NT5DC3: variants seen among roughly 807,000 people sequenced by gnomAD.
NT5DC3 encodes the protein 5'-nucleotidase domain containing 3, also known as 5'-nucleotidase domain-containing protein 3.
Under a neutral mutation model 67.8 loss-of-function variants are expected in NT5DC3, and 42 were observed. That is an observed-to-expected ratio of 0.62 (90% CI 0.48 to 0.80). The LOEUF (loss-of-function observed/expected upper bound fraction) is 0.80. Among genes scored for constraint, NT5DC3 ranks in the 30% least tolerant of loss-of-function variants. The pLI, the probability that NT5DC3 is intolerant of heterozygous loss-of-function variation, is 0.00. For missense variants in NT5DC3, 570 were observed against 696.4 expected (o/e 0.82, Z 2.04); for synonymous variants, 237 against 255.6 (o/e 0.93, Z 0.69).
chr12:103,748,571 T>C, the NT5DC3 span, among the ~76,000 whole-genome samples: 1 of 149,678 alleles, frequency 6.7e-6, no homozygotes, highest in Non-Finnish European at 1.5e-5. Context: ...CTCAATATTG[T>C]ACTAACTCTA....
the NT5DC3 span, chr12:103,750,639 G>C: frequency 6.2e-7 from 1 of 1,614,084 alleles, no homozygotes. Context: ...CTGTGAGCCG[G>C]AGCAGCTGCC....
At chr12:103,809,837 G>A (rs36034617) in intron 2 of NT5DC3, among the ~76,000 whole-genome samples, 1 of 151,942 alleles carries the variant, frequency 6.6e-6, no homozygotes, top group Non-Finnish European at 1.5e-5. Flanking sequence ...CTGGAAAAGC[G>A]CCAACAGGAC....
At chr12:103,762,345 G>C in the NT5DC3 span, 1 of 1,614,170 alleles carries the variant, frequency 6.2e-7, no homozygotes, top group Non-Finnish European at 8.5e-7. Flanking sequence ...CTGTTGCCTT[G>C]GCTGCTTACT....
At chr12:103,783,409 C>T (rs957067393) in intron 12 of NT5DC3, among the ~76,000 whole-genome samples, 8 of 152,152 alleles carry the variant, frequency 5.3e-5, no homozygotes, top group Non-Finnish European at 8.8e-5. Context: ...TATATCTCCT[C>T]TGCGCCTCAG....
At chr12:103,757,109 AAG>A in the NT5DC3 span, among the ~76,000 whole-genome samples, 1 of 150,586 alleles carries the variant, frequency 6.6e-6, no homozygotes, top group Non-Finnish European at 1.5e-5. Flanking sequence ...TTGTTTTCTT[AAG>A]AGAGTCTTGT....
the NT5DC3 span, among the ~76,000 whole-genome samples, chr12:103,765,373 G>A: frequency 6.6e-6 from 1 of 152,144 alleles, no homozygotes; most frequent in African/African-American, 2.4e-5. Flanking sequence ...AGAATCCTAA[G>A]CATAAGGTAC....
intron 1 of NT5DC3, among the ~76,000 whole-genome samples, chr12:103,817,189 C>G (rs1408376565): frequency 6.6e-6 from 1 of 152,044 alleles, no homozygotes; most frequent in Non-Finnish European, 1.5e-5. Context: ...ACGACGAGGC[C>G]TCCATGGCCA....
intron 4 of NT5DC3, among the ~76,000 whole-genome samples, chr12:103,805,370 C>T (rs1389261258): frequency 6.6e-6 from 1 of 152,168 alleles, no homozygotes; most frequent in Non-Finnish European, 1.5e-5. Flanking sequence ...GACTGTGTGA[C>T]TCTATCCATG....
chr12:103,746,766 T>C, the NT5DC3 span: 3 of 1,535,012 alleles, frequency 2.0e-6, no homozygotes, highest in Non-Finnish European at 2.7e-6. Flanking sequence ...CAGGACTTGC[T>C]CACAGTGCCT....
the NT5DC3 span, chr12:103,761,250 G>A: frequency 2.6e-6 from 4 of 1,560,098 alleles, no homozygotes; most frequent in Admixed American, 5.0e-5. Context: ...TCCATGGAGG[G>A]CTGCCCACTC....
intron 4 of NT5DC3, chr12:103,802,200 A>G (rs1020553638): frequency 2.0e-5 from 3 of 152,232 alleles, no homozygotes; most frequent in African/African-American, 7.2e-5. Flanking sequence ...GACAGTGTAT[A>G]TACAAGAAAC....
intron 6 of NT5DC3, among the ~76,000 whole-genome samples, chr12:103,794,410 A>G (rs1485891442): frequency 2.6e-5 from 4 of 152,148 alleles, no homozygotes; most frequent in Admixed American, 2.6e-4. Context: ...TCAGCCGCCC[A>G]AAGTGCTGGG....
At chr12:103,819,962 C>T (rs1465713334) in intron 1 of NT5DC3, among the ~76,000 whole-genome samples, 3 of 152,168 alleles carry the variant, frequency 2.0e-5, no homozygotes, top group Non-Finnish European at 1.5e-5. Flanking sequence ...CAGCAACTAC[C>T]GCTCCACTTT....
At chr12:103,801,406 G>T (rs796099320) in intron 4 of NT5DC3, among the ~76,000 whole-genome samples, 1 of 113,598 alleles carries the variant, frequency 8.8e-6, no homozygotes, top group Non-Finnish European at 1.7e-5. Context: ...TTTTTGAGAC[G>T]GAGTCTTGCT....
chr12:103,840,827 G>A (rs900606063), intron 1 of NT5DC3, 122 bp downstream of exon 1: 2 of 432,198 alleles, frequency 4.6e-6, no homozygotes, highest in Non-Finnish European at 3.9e-6. Flanking sequence ...GGGCACCGGG[G>A]TTCGCGACTG....
rs759594872 is a variant in NT5DC3 at position 103,785,427 on chromosome 12, A to G, written c.1237T>C (p.Leu413=). The G allele has an allele frequency of 3.7e-5, 59 of 1,613,838 alleles. No individual in the cohort carries two copies. Among genetic ancestry groups the G allele is most frequent in the Middle Eastern group, 3.3e-4 (2 of 6,084 alleles). The change falls in exon 12 of 14, where the codon TTG becomes CTG. Residue 413 remains leucine, a synonymous_variant. Coordinates refer to ENST00000392876, the MANE Select transcript of NT5DC3 (RefSeq NM_001031701.3). ...TTCATGATTTTGAGCTCAGATCTCAACTCTGGGATGATTGCACCAGTCCTC... is the reference window on the plus strand; with the variant it reads ...TTCATGATTTTGAGCTCAGATCTCAGCTCTGGGATGATTGCACCAGTCCTC... The part of the protein sequence containing the change: ...GWRTGAIIPE[L]RSELKIMNTE...
intron 1 of NT5DC3, among the ~76,000 whole-genome samples, chr12:103,823,063 C>T (rs1250715559): frequency 6.6e-6 from 1 of 152,000 alleles, no homozygotes; most frequent in Non-Finnish European, 1.5e-5. Context: ...ATCACAATCC[C>T]AGAGACACTA....
At position 103,833,986 on chromosome 12, in the gene NT5DC3, A is replaced by T. The variant is rs372997019; in HGVS notation, c.208+6963T>A. On this transcript the variant is annotated intron_variant, in intron 1 of 13. Transcript: ENST00000392876. ...ATTCATTTTAGAACGAGGATTCTCA[A>T]CCTTGGCACTACCAACAGTTGAGGC... Among the ~76,000 whole-genome samples, 79 of 152,326 alleles carry T rather than the reference A, an allele frequency of 5.2e-4. 2 individuals are homozygous for T. The highest frequency in any genetic ancestry group is 1.9e-3 in the African/African-American group (78 of 41,578).
the NT5DC3 span, among the ~76,000 whole-genome samples, chr12:103,753,576 T>C: frequency 6.6e-6 from 1 of 152,098 alleles, no homozygotes; most frequent in Non-Finnish European, 1.5e-5. Flanking sequence ...CCTTACAACA[T>C]CTCTGAAGGC....
Sources: gnomAD v4.1 joint callset for allele counts (sites outside exome capture counted in the v4.1 genomes callset) on GRCh38, gnomAD v4.1.1 for gene constraint, MANE v1.5 for transcripts, NCBI Gene and HGNC (gene_info 2026-07-23, HGNC 2026-07-21) for gene names.